The following PPP2R3A variants were observed in gnomAD, a reference collection of about 807,000 sequenced individuals.
PPP2R3A encodes the protein protein phosphatase 2 regulatory subunit B''alpha.
PPP2R3A carries 80 observed loss-of-function variants against 106.9 expected under a neutral mutation model. The observed-to-expected ratio is 0.75, with a 90% CI of 0.62 to 0.90. PPP2R3A has a LOEUF of 0.90. Among genes scored for constraint, PPP2R3A ranks in the 40% least tolerant of loss-of-function variants. The pLI is 0.00. For synonymous variants in PPP2R3A, 483 were observed against 468.3 expected, an observed-to-expected ratio of 1.03 and a Z score of -0.41; for missense variants, 1,386 against 1,350.4, an observed-to-expected ratio of 1.03 and a Z score of -0.41.
chr3:135,985,491 G>A (rs1396249734), intron 1 of PPP2R3A, among the ~76,000 whole-genome samples: 2 of 151,984 alleles, frequency 1.3e-5, no homozygotes, highest in African/African-American at 4.8e-5. Flanking sequence ...CAAGATTAGA[G>A]GATGCATGCC....
chr3:135,995,338 CATT>C (rs1933343936), intron 1 of PPP2R3A, among the ~76,000 whole-genome samples: 1 of 151,672 alleles, frequency 6.6e-6, no homozygotes, highest in African/African-American at 2.4e-5. Context: ...TTATAAAACT[CATT>C]ATTTCATATG....
At position 136,030,813 on chromosome 3, in the gene PPP2R3A, TGTATGTATGTATACAC is replaced by T. The variant is rs1450660058; in HGVS notation, c.2262+3716_2262+3731del. On this transcript the variant is annotated intron_variant, in intron 3 of 13. Transcript: ENST00000264977. Reference sequence around the variant, plus strand: ...ATGTATGTATGTATGTATGTATGTATGTATGTATGTATACACACACACACACACACACATGCCCCAG... The same window carrying T: ...ATGTATGTATGTATGTATGTATGTATACACACACACACACACATGCCCCAG... Among the ~76,000 whole-genome samples the T allele has an allele frequency of 3.4e-5, 5 of 147,884 alleles. No individual in the cohort carries two copies. The East Asian group carries it at 7.8e-4, about 23-fold the overall frequency.
chr3:136,026,579 T>C (rs2107822056), intron 2 of PPP2R3A, among the ~76,000 whole-genome samples: 1 of 152,256 alleles, frequency 6.6e-6, no homozygotes, highest in South Asian at 2.1e-4. Flanking sequence ...GTCTGCCAAA[T>C]AGTTGATGGA....
At chr3:136,091,003 T>C (rs1937081594) in intron 10 of PPP2R3A, among the ~76,000 whole-genome samples, 1 of 152,232 alleles carries the variant, frequency 6.6e-6, no homozygotes, top group South Asian at 2.1e-4. Flanking sequence ...GGTAAACCAT[T>C]ACTATTAGAG....
At chr3:136,075,998 G>T (rs530092161) in intron 6 of PPP2R3A, among the ~76,000 whole-genome samples, 2 of 152,154 alleles carry the variant, frequency 1.3e-5, no homozygotes, top group Non-Finnish European at 2.9e-5. Context: ...CATGTTCTCT[G>T]TCCTCAGTGA....
chr3:136,107,175 T>C (rs1937532446), intron 13 of PPP2R3A, among the ~76,000 whole-genome samples: 1 of 152,110 alleles, frequency 6.6e-6, no homozygotes, highest in Non-Finnish European at 1.5e-5. Flanking sequence ...TTCTAGTAAC[T>C]CCTTTTGTAA....
intron 1 of PPP2R3A, among the ~76,000 whole-genome samples, chr3:135,985,149 C>G (rs956602038): frequency 5.9e-5 from 9 of 152,076 alleles, no homozygotes; most frequent in Admixed American, 2.0e-4. Flanking sequence ...TCAGGTATTT[C>G]TTTATAGCAG....
At chr3:136,081,071 G>A (rs113726272) in intron 7 of PPP2R3A, among the ~76,000 whole-genome samples, 1,916 of 151,792 alleles carry the variant, frequency 0.013, 46 homozygotes, top group African/African-American at 0.044. Context: ...TCGGCTCACT[G>A]CAACCTCTGC....
At chr3:135,969,566 C>T (rs1937182948) in intron 1 of PPP2R3A, among the ~76,000 whole-genome samples, 1 of 152,116 alleles carries the variant, frequency 6.6e-6, no homozygotes, top group Non-Finnish European at 1.5e-5. Flanking sequence ...AAGCATTTGA[C>T]AATTCTAATT....
intron 1 of PPP2R3A, among the ~76,000 whole-genome samples, chr3:135,982,542 A>G (rs967073322): frequency 2.1e-4 from 32 of 152,242 alleles, no homozygotes; most frequent in African/African-American, 7.5e-4. Flanking sequence ...CATACCACAT[A>G]TATGACCAGG....
chr3:136,059,487 G>A (rs954814794), intron 5 of PPP2R3A, among the ~76,000 whole-genome samples: 1 of 152,098 alleles, frequency 6.6e-6, no homozygotes, highest in Non-Finnish European at 1.5e-5. Context: ...TAAGATACCG[G>A]CAAGGTTGTG....
intron 2 of PPP2R3A, among the ~76,000 whole-genome samples, chr3:136,015,369 T>C (rs1281308137): frequency 1.3e-5 from 2 of 151,408 alleles, no homozygotes; most frequent in Non-Finnish European, 3.0e-5. Context: ...TCTCTATATT[T>C]TGGAATAGTT....
At chr3:136,087,061 A>G (rs111616249) in intron 8 of PPP2R3A, among the ~76,000 whole-genome samples, 3,297 of 152,256 alleles carry the variant, frequency 0.022, 137 homozygotes, top group African/African-American at 0.074. Flanking sequence ...AAAATTAGCC[A>G]GGTATGGTGG....
chr3:136,034,315 G>A (rs777427870), intron 3 of PPP2R3A, among the ~76,000 whole-genome samples: 1 of 152,272 alleles, frequency 6.6e-6, no homozygotes, highest in Non-Finnish European at 1.5e-5. Context: ...GATGATGGGC[G>A]TGAGCCACTG....
In PPP2R3A at chr3:136,106,256, G is replaced by A. The variant is rs76111574; in HGVS notation, c.3263G>A (p.Arg1088Gln). Reference protein sequence around the residue: ...NDGPEPSDWDRFAAEEYETLV... With the variant: ...NDGPEPSDWDQFAAEEYETLV... The stretch of plus-strand genomic sequence containing the variant: ...GGGCCTGAGCCCTCAGACTGGGACC[G>A]GTTTGCCGCTGAGGAGTATGAGACG... The change falls in exon 13 of 14, where the codon CGG becomes CAG. Residue 1088 changes from arginine (R) to glutamine (Q), a missense_variant. Coordinates refer to ENST00000264977, the MANE Select transcript of PPP2R3A (RefSeq NM_002718.5). The A allele has an allele frequency of 1.5e-4, 235 of 1,611,568 alleles. 2 individuals carry two copies. In the East Asian group the frequency reaches 4.9e-3, roughly 34 times the overall value.
chr3:136,033,433 G>T (rs1934976000), intron 3 of PPP2R3A, among the ~76,000 whole-genome samples: 1 of 152,174 alleles, frequency 6.6e-6, no homozygotes, highest in African/African-American at 2.4e-5. Context: ...CTGTTTCTCT[G>T]TCTTGTGGAA....
Position 136,001,400 on chromosome 3 carries a change from T to A in PPP2R3A, c.-99T>A. The A allele has an allele frequency of 1.9e-6, 2 of 1,028,970 alleles. No individual in the cohort carries two copies. Among genetic ancestry groups the A allele is most frequent in the Non-Finnish European group, 2.9e-6 (2 of 692,986 alleles). The allele number at this position is 1,028,970 out of a possible 1,614,324, so 63.7% of individuals were successfully genotyped here. On this transcript the variant is annotated 5_prime_UTR_variant, in exon 2 of 14. Transcript: ENST00000264977. ...ATATTTGGAAGAAACCACTGAACAT[T>A]GTTATTAAATATATTTTCAGCTAAC...
chr3:136,106,016 T>C (rs1408176398), intron 12 of PPP2R3A, among the ~76,000 whole-genome samples, 200 bp from the exon 13 acceptor site: 6 of 152,186 alleles, frequency 3.9e-5, no homozygotes, highest in African/African-American at 4.8e-5. Flanking sequence ...AAAACCTGGC[T>C]GCTAAACAGT....
chr3:136,014,099 C>A (rs6802901), intron 2 of PPP2R3A, among the ~76,000 whole-genome samples: 1,885 of 152,242 alleles, frequency 0.012, 45 homozygotes, highest in African/African-American at 0.043. Context: ...AATAGGGTGT[C>A]CTTTCCCCAC....
Sources: allele counts gnomAD v4.1 joint callset (sites outside exome capture counted in the v4.1 genomes callset), GRCh38; gene constraint gnomAD v4.1.1; transcripts MANE v1.5; gene names NCBI Gene and HGNC (gene_info 2026-07-23, HGNC 2026-07-21).